Variants in RNF103 observed in about 807,000 individuals in gnomAD.
The protein encoded by RNF103 is E3 ubiquitin-protein ligase RNF103.
Under a neutral mutation model 66.2 loss-of-function variants are expected in RNF103, and 23 were observed. That is an observed-to-expected ratio of 0.35 (90% CI 0.25 to 0.49). The LOEUF (loss-of-function observed/expected upper bound fraction) is 0.49. Among genes scored for constraint, RNF103 ranks in the 20% least tolerant of loss-of-function variants. The pLI is 0.98. For synonymous variants in RNF103, 297 were observed against 289.9 expected, an observed-to-expected ratio of 1.02 and a Z score of -0.25; for missense variants, 730 against 814.7, an observed-to-expected ratio of 0.90 and a Z score of 1.27.
intron 2 of RNF103, among the ~76,000 whole-genome samples, chr2:86,619,418 C>T (rs142888557): frequency 1.3e-5 from 2 of 152,276 alleles, no homozygotes; most frequent in East Asian, 3.9e-4. Context: ...TGGTTCAATA[C>T]TACCAACTAG....
intron 2 of RNF103, chr2:86,616,893 C>G (rs1376040267): frequency 1.0e-6 from 1 of 985,332 alleles, no homozygotes; most frequent in African/African-American, 1.7e-5. Flanking sequence ...AGCCTATCCA[C>G]TGTGCCATCT....
intron 2 of RNF103, chr2:86,617,162 TG>T: frequency 1.0e-6 from 1 of 985,394 alleles, no homozygotes; most frequent in South Asian, 4.7e-5. Context: ...AAATAAATTC[TG>T]TTCACATTAC....
At chr2:86,613,719 G>A (rs1462517518) in intron 2 of RNF103, 3 of 152,106 alleles carry the variant, frequency 2.0e-5, no homozygotes, top group Non-Finnish European at 4.4e-5. Flanking sequence ...GTGCTAGAAC[G>A]TCTAACAAAT....
At chr2:86,611,319 T>A (rs529941305) in intron 3 of RNF103, among the ~76,000 whole-genome samples, 1 of 152,244 alleles carries the variant, frequency 6.6e-6, no homozygotes, top group Admixed American at 6.5e-5. Context: ...AACTCTACCA[T>A]CCATCTCACC....
chr2:86,623,862 T>C lies in RNF103; in HGVS notation c.-976A>G, dbSNP rs962197271. ...GGCGGCCGCGGCCGGAGCCGAGACA[T>C]AACAACTGACGTCGCGATGAGGCGG... On this transcript the variant is annotated 5_prime_UTR_variant, in exon 1 of 4. An upstream start codon of the reference 5' UTR is lost. Coordinates refer to ENST00000237455, the MANE Select transcript of RNF103 (RefSeq NM_005667.4). The C allele has an allele frequency of 8.5e-6, 11 of 1,287,330 alleles. No homozygotes were observed. The highest frequency in any genetic ancestry group is 5.6e-5 in the East Asian group (1 of 17,754). The allele number at this position is 1,287,330 out of a possible 1,614,324, so 79.7% of individuals were successfully genotyped here. A position where few individuals can be genotyped will look rare whatever the true frequency, so the allele number is the denominator to read the frequency against.
In RNF103 at chr2:86,617,689, C is replaced by T. The variant is rs113582223; in HGVS notation, c.366+2641G>A. The T allele has an allele frequency of 2.9e-4, 284 of 988,932 alleles. No individual in the cohort carries two copies. The African/African-American group carries it at 4.7e-3, about 16-fold the overall frequency. The allele number at this position is 988,932 out of a possible 1,614,324, so 61.3% of individuals were successfully genotyped here. ...AACAATTCTTGAAAGTTATCCTTTA[C>T]AATAGATTAATATATATGATCTGAG... On this transcript the variant is annotated intron_variant, in intron 2 of 3. Transcript: ENST00000237455.
At chr2:86,614,447 A>C (rs771740495) in intron 2 of RNF103, 83 of 152,316 alleles carry the variant, frequency 5.4e-4, no homozygotes, top group Non-Finnish European at 9.8e-4. Context: ...ATTAAAAAAA[A>C]CAAAAATTTG....
intron 2 of RNF103, chr2:86,613,937 A>T (rs187122507): frequency 6.6e-6 from 1 of 151,336 alleles, no homozygotes; most frequent in South Asian, 2.1e-4. Flanking sequence ...TTGATATTAC[A>T]TTTTTTTTTA....
At chr2:86,606,662 C>CAAAAAAAAAAAAAAAAAAAAAAAAAAAAA (rs200897796) in intron 3 of RNF103, among the ~76,000 whole-genome samples, 1 of 97,420 alleles carries the variant, frequency 1.0e-5, no homozygotes, top group South Asian at 3.2e-4. Flanking sequence ...AACTTCGTCT[C>CAAAAAAAAAAAAAAAAAAAAAAAAAAAAA]AAAAAAAAAA....
At chr2:86,617,674 G>C in intron 2 of RNF103, 1 of 985,500 alleles carries the variant, frequency 1.0e-6, no homozygotes, top group Non-Finnish European at 1.2e-6. Context: ...AACAATTCTT[G>C]AAAGTTATCC....
At chr2:86,615,270 G>T (rs578165492) in intron 2 of RNF103, 2 of 984,008 alleles carry the variant, frequency 2.0e-6, no homozygotes, top group Non-Finnish European at 2.4e-6. Flanking sequence ...ACACAAAAAT[G>T]AAAAATCTTG....
intron 3 of RNF103, among the ~76,000 whole-genome samples, chr2:86,606,662 CAAAA>C (rs200897796): frequency 9.2e-5 from 9 of 97,420 alleles, no homozygotes; most frequent in African/African-American, 2.4e-4. Flanking sequence ...AACTTCGTCT[CAAAA>C]AAAAAAAAAA....
rs757228926 is a variant in RNF103, at chr2:86,604,445, G to C, written c.1456C>G (p.Pro486Ala). 6.2e-6 allele frequency: 10 copies of C among 1,614,184 alleles called. No individual in the cohort carries two copies. The highest frequency in any genetic ancestry group is 5.9e-6 in the Non-Finnish European group (7 of 1,180,038). ...FPVESDWDED[P>A]DLFLERLAFP... ...GCTAAGCGCTCCAAGAATAAGTCAG[G>C]GTCTTCGTCCCAATCAGATTCTACA... The change falls in exon 4 of 4, where the codon CCT becomes GCT. Residue 486 changes from proline (P) to alanine (A), a missense_variant. Around this residue, in one of 3 missense-constraint regions of RNF103, gnomAD observed 355 missense variants for 351.9 expected, o/e 1.01. Transcript: ENST00000237455.
At chr2:86,620,887 A>C (rs770852627) in intron 1 of RNF103, among the ~76,000 whole-genome samples, 1 of 152,204 alleles carries the variant, frequency 6.6e-6, no homozygotes, top group Non-Finnish European at 1.5e-5. Context: ...TAAAAGATGT[A>C]GAATTGGGTT....
At position 86,604,847 on chromosome 2, in the gene RNF103, G is replaced by A; in HGVS notation, c.1054C>T (p.Arg352Ter). 1 of 1,614,020 alleles carries A rather than the reference G, an allele frequency of 6.2e-7. No individual in the cohort carries two copies. Among genetic ancestry groups the A allele is most frequent in the South Asian group, 1.1e-5 (1 of 91,070 alleles). Reference protein sequence around the residue: ...LFITQGATIKRFVVLISTLGT... With the variant: ...LFITQGATIK The stretch of plus-strand genomic sequence containing the variant: ...AAAGTGCTTATGAGAACCACAAATC[G>A]CTTTATGGTAGCTCCTTGTGTAATA... Residue 352 changes from arginine to a stop codon, truncating the protein, a stop_gained, in exon 4 of 4, where the codon CGA becomes TGA. Coordinates refer to ENST00000237455, the MANE Select transcript of RNF103 (RefSeq NM_005667.4). LOFTEE classifies it high-confidence loss of function.
At chr2:86,607,956 A>T (rs1678634815) in intron 3 of RNF103, among the ~76,000 whole-genome samples, 1 of 152,244 alleles carries the variant, frequency 6.6e-6, no homozygotes, top group Non-Finnish European at 1.5e-5. Context: ...GCTAAGTAAT[A>T]ATTTTATCAT....
intron 3 of RNF103, among the ~76,000 whole-genome samples, chr2:86,606,792 A>G (rs954503836): frequency 1.3e-5 from 2 of 151,764 alleles, no homozygotes; most frequent in Non-Finnish European, 2.9e-5. Context: ...TATTTTTATA[A>G]TAAGAGATAG....
intron 2 of RNF103, chr2:86,615,008 G>A: frequency 1.0e-6 from 1 of 985,416 alleles, no homozygotes; most frequent in East Asian, 1.1e-4. Flanking sequence ...TTTCAGTGAA[G>A]ATCTTGTTCA....
At position 86,621,607 on chromosome 2, in the gene RNF103, C is replaced by T. The variant is rs114547797; in HGVS notation, c.226+1054G>A. Among the ~76,000 whole-genome samples the T allele has an allele frequency of 3.6e-3, 548 of 152,292 alleles. 3 individuals are homozygous for T. The highest frequency in any genetic ancestry group is 5.8e-3 in the Non-Finnish European group (394 of 68,008). On this transcript the variant is annotated intron_variant, in intron 1 of 3. Transcript: ENST00000237455. Reference sequence around the variant, plus strand: ...TATGAGTTTTATAACCCGCAACCTACAAATATCCAAGTGTTAAACTGCTAG... The same window carrying T: ...TATGAGTTTTATAACCCGCAACCTATAAATATCCAAGTGTTAAACTGCTAG...
Sources: gnomAD v4.1 joint callset for allele counts (sites outside exome capture counted in the v4.1 genomes callset) on GRCh38, gnomAD v4.1.1 for gene constraint, gnomAD v4.1.1 regional missense constraint, MANE v1.5 for transcripts, NCBI Gene and HGNC (gene_info 2026-07-23, HGNC 2026-07-21) for gene names.